The following NBAS variants were observed in gnomAD, a reference collection of about 807,000 sequenced individuals.
NBAS encodes the protein NAG/BC035112 fusion.
A neutral mutation model predicts 302.5 loss-of-function variants in NBAS; 219 were observed. That is an observed-to-expected ratio of 0.72 (90% CI 0.65 to 0.81). NBAS has a LOEUF of 0.81. Ranked by LOEUF, NBAS falls within the 30% of genes least tolerant of loss-of-function variation. The pLI is 0.00. For missense variants in NBAS, 2,932 were observed against 2,841.6 expected, an observed-to-expected ratio of 1.03 and a Z score of -0.72; for synonymous variants, 1,118 against 1,021.6, an observed-to-expected ratio of 1.09 and a Z score of -1.80.
At chr2:15,350,644 T>G (rs551751756) in intron 35 of NBAS, among the ~76,000 whole-genome samples, 6 of 152,276 alleles carry the variant, frequency 3.9e-5, no homozygotes, top group African/African-American at 1.4e-4. Flanking sequence ...TCGGACAATT[T>G]TATTCATAAG....
chr2:15,466,251 T>C (rs1321007615), intron 19 of NBAS, among the ~76,000 whole-genome samples: 1 of 152,128 alleles, frequency 6.6e-6, no homozygotes, highest in East Asian at 1.9e-4. Context: ...AGATGTGACA[T>C]ACAGTGCCTA....
chr2:15,200,513 T>C (rs1665826862), intron 48 of NBAS, among the ~76,000 whole-genome samples: 3 of 152,076 alleles, frequency 2.0e-5, no homozygotes, highest in Admixed American at 2.0e-4. Flanking sequence ...CCACAGTGAG[T>C]GTCAAACAAA....
chr2:15,233,409 T>G (rs1156921837), intron 46 of NBAS, among the ~76,000 whole-genome samples: 2 of 152,216 alleles, frequency 1.3e-5, no homozygotes, highest in African/African-American at 4.8e-5. Context: ...CATCGTATTT[T>G]AATTATTCAT....
chr2:14,803,881 C>G, the NBAS span, among the ~76,000 whole-genome samples: 3 of 152,126 alleles, frequency 2.0e-5, no homozygotes, highest in African/African-American at 7.2e-5. Flanking sequence ...AACTCCTAAC[C>G]TCAGGTGATC....
chr2:14,953,100 G>A, the NBAS span, among the ~76,000 whole-genome samples: 353 of 152,366 alleles, frequency 2.3e-3, 3 homozygotes, highest in African/African-American at 7.8e-3. Context: ...GCAAGAGGGA[G>A]TGCGACTCAG....
At chr2:15,048,047 G>T in the NBAS span, among the ~76,000 whole-genome samples, 125,300 of 152,186 alleles carry the variant, frequency 0.82, 51,922 homozygotes, top group East Asian at 0.99. Flanking sequence ...ACTCCTGCTG[G>T]GCCGAGAACT....
At chr2:14,865,829 C>T in the NBAS span, among the ~76,000 whole-genome samples, 2 of 152,004 alleles carry the variant, frequency 1.3e-5, no homozygotes, top group African/African-American at 2.4e-5. Context: ...TTATTATTCC[C>T]ATGCTACTAG....
chr2:15,144,427 T>A, the NBAS span, among the ~76,000 whole-genome samples: 2 of 152,230 alleles, frequency 1.3e-5, no homozygotes. Flanking sequence ...ATGACTTTTA[T>A]GTTTGGCTTG....
At chr2:15,443,961 T>G (rs1678585597) in intron 21 of NBAS, among the ~76,000 whole-genome samples, 1 of 151,806 alleles carries the variant, frequency 6.6e-6, no homozygotes. Context: ...GTGAAGGACC[T>G]CTTCAAGGAG....
the NBAS span, among the ~76,000 whole-genome samples, chr2:15,103,584 A>G: frequency 6.6e-6 from 1 of 152,304 alleles, no homozygotes; most frequent in East Asian, 1.9e-4. Context: ...ACCGTGTCTT[A>G]TGTTCCTCTG....
chr2:14,886,257 C>T, the NBAS span, among the ~76,000 whole-genome samples: 1 of 152,194 alleles, frequency 6.6e-6, no homozygotes. Flanking sequence ...TTACTCCATA[C>T]CCATACCATA....
chr2:15,554,148 C>T lies in NBAS; in HGVS notation c.210-10G>A. On this transcript the variant is annotated splice_polypyrimidine_tract_variant and intron_variant, in intron 3 of 51. Coordinates refer to ENST00000281513, the MANE Select transcript of NBAS (RefSeq NM_015909.4). ...CAAAAAAGGTGCCGGGCTGAAATCACAACACATTAGTTAGCTTAAAATCTA... is the reference window on the plus strand; with the variant it reads ...CAAAAAAGGTGCCGGGCTGAAATCATAACACATTAGTTAGCTTAAAATCTA... 6.2e-7 allele frequency: 1 copy of T among 1,610,500 alleles called. No homozygotes were observed. Among genetic ancestry groups the T allele is most frequent in the Non-Finnish European group, 8.5e-7 (1 of 1,177,370 alleles).
chr2:15,138,664 G>C, the NBAS span, among the ~76,000 whole-genome samples: 1 of 151,708 alleles, frequency 6.6e-6, no homozygotes, highest in Non-Finnish European at 1.5e-5. Context: ...AGACCTTTGA[G>C]TCTTCAAACA....
intron 21 of NBAS, among the ~76,000 whole-genome samples, chr2:15,441,530 C>T (rs1235814747): frequency 0.01 from 1,546 of 151,946 alleles, 15 homozygotes; most frequent in African/African-American, 0.033. Context: ...AAGGAACAAC[C>T]GGTACCAGCT....
chr2:15,354,200 A>C (rs1673506224), intron 33 of NBAS, among the ~76,000 whole-genome samples: 3 of 152,214 alleles, frequency 2.0e-5, no homozygotes, highest in Admixed American at 2.0e-4. Context: ...TAAACTGCAA[A>C]GTGCTAGAAA....
the NBAS span, among the ~76,000 whole-genome samples, chr2:15,033,593 T>C: frequency 2.6e-5 from 4 of 152,084 alleles, no homozygotes; most frequent in African/African-American, 9.7e-5. Flanking sequence ...AATGTGATGG[T>C]ATTTGGGGAT....
the NBAS span, among the ~76,000 whole-genome samples, chr2:14,891,980 C>T: frequency 6.6e-6 from 1 of 152,098 alleles, no homozygotes; most frequent in African/African-American, 2.4e-5. Flanking sequence ...AACCACTTAC[C>T]CATCATCTCA....
At chr2:15,361,850 C>T (rs1266648983) in intron 32 of NBAS, among the ~76,000 whole-genome samples, 1 of 150,966 alleles carries the variant, frequency 6.6e-6, no homozygotes, top group African/African-American at 2.4e-5. Flanking sequence ...TGTGGTGGCA[C>T]ATGCCTGTAA....
At chr2:15,434,853 A>G (rs1677934015) in intron 21 of NBAS, among the ~76,000 whole-genome samples, 1 of 152,198 alleles carries the variant, frequency 6.6e-6, no homozygotes, top group Admixed American at 6.5e-5. Context: ...GGGAGACCCA[A>G]AAGTACATAT....
Sources: gnomAD v4.1 joint callset for allele counts (sites outside exome capture counted in the v4.1 genomes callset) on GRCh38, gnomAD v4.1.1 for gene constraint, MANE v1.5 for transcripts, NCBI Gene and HGNC (gene_info 2026-07-23, HGNC 2026-07-21) for gene names.